Variants in SUSD4 observed in about 807,000 individuals in gnomAD.
SUSD4 encodes the protein sushi domain-containing protein 4.
SUSD4 carries 41 observed loss-of-function variants against 50.5 expected under a neutral mutation model. The observed-to-expected ratio is 0.81, with a 90% CI of 0.63 to 1.05. The LOEUF (loss-of-function observed/expected upper bound fraction) is 1.05. SUSD4 is among the 50% of genes least tolerant of loss of function. The pLI is 0.00. For synonymous variants in SUSD4, 257 were observed against 257.3 expected, an observed-to-expected ratio of 1.00 and a Z score of 0.01; for missense variants, 580 against 634.7, an observed-to-expected ratio of 0.91 and a Z score of 0.93.
At chr1:223,262,011 A>G (rs1662158338) in intron 5 of SUSD4, among the ~76,000 whole-genome samples, 1 of 152,192 alleles carries the variant, frequency 6.6e-6, no homozygotes, top group Non-Finnish European at 1.5e-5. Context: ...CAGGATGTGA[A>G]GCCAGTCCGT....
At chr1:223,321,462 G>A (rs1666568696) in intron 2 of SUSD4, among the ~76,000 whole-genome samples, 1 of 152,200 alleles carries the variant, frequency 6.6e-6, no homozygotes. Context: ...ACTCTGCCTG[G>A]TCCATGGTAA....
chr1:223,248,530 T>C (rs1661093553), intron 5 of SUSD4, among the ~76,000 whole-genome samples: 1 of 152,360 alleles, frequency 6.6e-6, no homozygotes. Flanking sequence ...ACTTTGCTTT[T>C]AGCTCAGGGA....
chr1:223,292,776 C>A, intron 2 of SUSD4, 125 bp from the exon 3 acceptor site: 1 of 956,662 alleles, frequency 1.0e-6, no homozygotes, highest in Non-Finnish European at 1.6e-6. Context: ...ACCCCACCAC[C>A]AAAGCCAAGG....
At chr1:223,347,012 T>C (rs1668069948) in intron 2 of SUSD4, among the ~76,000 whole-genome samples, 1 of 152,218 alleles carries the variant, frequency 6.6e-6, no homozygotes, top group East Asian at 1.9e-4. Context: ...CAAATGTCTA[T>C]TAAGCTCCTA....
rs185070466 is a variant in SUSD4 at position 223,231,708 on chromosome 1, G to C, written c.725-2320C>G. ...GAGATCCAGGGATGTGGCCGTAAGG[G>C]CTCTTCTCTCCTTGGAGGCCCTCCT... On this transcript the variant is annotated intron_variant, in intron 5 of 8. Coordinates refer to ENST00000366878, the MANE Select transcript of SUSD4 (RefSeq NM_017982.4). The surrounding 1 kb of genome is among the most constrained non-coding windows in gnomAD (Gnocchi z 4.2). Among the ~76,000 whole-genome samples, 1 of 152,218 alleles carries C rather than the reference G, an allele frequency of 6.6e-6. No homozygotes were observed. The highest frequency in any genetic ancestry group is 2.4e-5 in the African/African-American group (1 of 41,458).
At chr1:223,320,300 G>A (rs367669721) in intron 2 of SUSD4, among the ~76,000 whole-genome samples, 18 of 152,286 alleles carry the variant, frequency 1.2e-4, no homozygotes, top group African/African-American at 3.8e-4. Flanking sequence ...TGTTCTGTTT[G>A]TAATGTGACG....
intron 5 of SUSD4, among the ~76,000 whole-genome samples, chr1:223,259,795 A>ATGGT (rs1431344966): frequency 2.0e-5 from 3 of 152,002 alleles, no homozygotes; most frequent in African/African-American, 7.3e-5. Flanking sequence ...TATGTGCTAC[A>ATGGT]TGGTTGGTTC....
At position 223,332,815 on chromosome 1, in the gene SUSD4, C is replaced by T. The variant is rs1385530501; in HGVS notation, c.148+30463G>A. Among the ~76,000 whole-genome samples the T allele has an allele frequency of 6.6e-5, 10 of 152,148 alleles. No individual in the cohort carries two copies. Among genetic ancestry groups the T allele is most frequent in the Admixed American group, 5.9e-4 (9 of 15,286 alleles). ...TCTGTCCTGCCCCTGTCCTTTATGC[C>T]TACCTCCAGCTAAGCGGGTACTGGG... On this transcript the variant is annotated intron_variant, in intron 2 of 8. Coordinates refer to ENST00000366878, the MANE Select transcript of SUSD4 (RefSeq NM_017982.4). The surrounding 1 kb of genome is among the most constrained non-coding windows in gnomAD (Gnocchi z 4.0).
At chr1:223,336,216 A>T (rs1572087497) in intron 2 of SUSD4, among the ~76,000 whole-genome samples, 1 of 152,234 alleles carries the variant, frequency 6.6e-6, no homozygotes, top group South Asian at 2.1e-4. Flanking sequence ...GGCCTCCCAA[A>T]GTGCTGGGAT....
intron 5 of SUSD4, among the ~76,000 whole-genome samples, chr1:223,258,339 A>G (rs1661846320): frequency 6.6e-6 from 1 of 152,210 alleles, no homozygotes; most frequent in African/African-American, 2.4e-5. Flanking sequence ...CATTTGGCCA[A>G]ACAAGGTTCT....
At chr1:223,348,436 T>C (rs1468644129) in intron 2 of SUSD4, among the ~76,000 whole-genome samples, 2 of 152,220 alleles carry the variant, frequency 1.3e-5, no homozygotes, top group Non-Finnish European at 1.5e-5. Context: ...ACTCCACATA[T>C]ATTTGCTGAT....
intron 2 of SUSD4, among the ~76,000 whole-genome samples, chr1:223,354,068 G>A (rs1471557336): frequency 1.3e-5 from 2 of 151,882 alleles, no homozygotes; most frequent in South Asian, 2.1e-4. Context: ...AAAAGAAAAG[G>A]TTCTGACTCT....
rs184173388 is a variant in SUSD4 at position 223,347,573 on chromosome 1, T to C, written c.148+15705A>G. On this transcript the variant is annotated intron_variant, in intron 2 of 8. Transcript: ENST00000366878. ...TCCCAGCCCCTACAGTAGAAGCCAC[T>C]ATTGGGGGATCAGTAGATCCCCTAT... Among the ~76,000 whole-genome samples the C allele has an allele frequency of 9.5e-3, 1,422 of 149,802 alleles. 23 individuals carry two copies. The highest frequency in any genetic ancestry group is 0.033 in the African/African-American group (1,344 of 40,518).
intron 5 of SUSD4, among the ~76,000 whole-genome samples, chr1:223,248,679 A>G (rs1661102087): frequency 6.6e-6 from 1 of 152,188 alleles, no homozygotes. Context: ...AGCAGGATGG[A>G]GCATGGTGTT....
chr1:223,355,926 A>T (rs975167002), intron 2 of SUSD4, among the ~76,000 whole-genome samples: 1 of 152,162 alleles, frequency 6.6e-6, no homozygotes, highest in Admixed American at 6.5e-5. Context: ...TTGGGTACAC[A>T]TATAGGGTTA....
At chr1:223,321,945 T>G (rs1391986816) in intron 2 of SUSD4, among the ~76,000 whole-genome samples, 2 of 152,182 alleles carry the variant, frequency 1.3e-5, no homozygotes, top group Non-Finnish European at 2.9e-5. Context: ...ACTTCAAATG[T>G]TTTCAGATTT....
intron 3 of SUSD4, among the ~76,000 whole-genome samples, chr1:223,279,560 C>T (rs1403142724): frequency 6.6e-6 from 1 of 152,174 alleles, no homozygotes; most frequent in African/African-American, 2.4e-5. Context: ...AAGAAACGAA[C>T]AAAGCCTCCA....
At chr1:223,305,516 G>T (rs753434153) in intron 2 of SUSD4, among the ~76,000 whole-genome samples, 9 of 152,178 alleles carry the variant, frequency 5.9e-5, no homozygotes, top group Admixed American at 2.0e-4. Context: ...TTTCTTGTTT[G>T]TGAATTTAGT....
chr1:223,251,243 C>G (rs1460570712), intron 5 of SUSD4, among the ~76,000 whole-genome samples: 1 of 152,224 alleles, frequency 6.6e-6, no homozygotes, highest in Non-Finnish European at 1.5e-5. Context: ...GCTCCATCAT[C>G]TGCTTCTGGC....
Sources: gnomAD v4.1 joint callset for allele counts (sites outside exome capture counted in the v4.1 genomes callset) on GRCh38, gnomAD v4.1.1 for gene constraint, Gnocchi (gnomAD v3.1) non-coding constraint, MANE v1.5 for transcripts, NCBI Gene and HGNC (gene_info 2026-07-23, HGNC 2026-07-21) for gene names.